The following PTPN21 variants were observed in gnomAD, a reference collection of about 807,000 sequenced individuals.
PTPN21 encodes protein tyrosine phosphatase non-receptor type 21, also known as tyrosine-protein phosphatase non-receptor type 21.
A neutral mutation model predicts 131.8 loss-of-function variants in PTPN21; 77 were observed. That is an observed-to-expected ratio of 0.58 (90% CI 0.49 to 0.71). PTPN21 has a LOEUF of 0.71. Ranked by LOEUF, PTPN21 falls within the 30% of genes least tolerant of loss-of-function variation. The probability of loss-of-function intolerance (pLI) is 0.00; values close to 1 mark genes in which losing one functional copy is unlikely to be tolerated. For missense variants in PTPN21, 1,552 were observed against 1,527.1 expected (o/e 1.02, Z -0.27); for synonymous variants, 715 against 621.3 (o/e 1.15, Z -2.24).
At position 88,470,327 on chromosome 14, in the gene PTPN21, C is replaced by G. The variant is rs2077441158; in HGVS notation, c.2872-277G>C. 5 of 416,682 alleles carry G rather than the reference C, an allele frequency of 1.2e-5. No individual in the cohort carries two copies. In the South Asian group the frequency reaches 1.4e-4, roughly 11 times the overall value. The allele number at this position is 416,682 out of a possible 1,614,324, so 25.8% of individuals were successfully genotyped here. A position where few individuals can be genotyped will look rare whatever the true frequency, so the allele number is the denominator to read the frequency against. On this transcript the variant is annotated intron_variant, in intron 15 of 18. Transcript: ENST00000556564. ...TGCTGAATGTCAGTTCTCATTTATACAATAAAGATACTGCCTACCGTCATA... is the reference window on the plus strand; with the variant it reads ...TGCTGAATGTCAGTTCTCATTTATAGAATAAAGATACTGCCTACCGTCATA...
In PTPN21 at chr14:88,469,643, G is replaced by A. The variant is rs750979201; in HGVS notation, c.3091C>T (p.Arg1031Trp). 40 of 1,614,124 alleles carry A rather than the reference G, an allele frequency of 2.5e-5. No individual in the cohort carries two copies. Among genetic ancestry groups the A allele is most frequent in the South Asian group, 2.3e-4 (21 of 91,070 alleles). Residue 1031 changes from arginine (R) to tryptophan (W), a missense_variant, in exon 17 of 19, where the codon CGG becomes TGG. Physicochemically the swap from Arg to Trp is moderately radical, Grantham distance 101. Transcript: ENST00000556564. This position sits in a 1 kb window ranked among gnomAD's most constrained non-coding sequence, Gnocchi z 4.3. ...VTYGRFKITT[R>W]FRTDSGCYAT... ...TAGCAGCCAGAGTCTGTGCGGAACCGGGTCGTGATCTTAAACCTTCCATAG... is the reference window on the plus strand; with the variant it reads ...TAGCAGCCAGAGTCTGTGCGGAACCAGGTCGTGATCTTAAACCTTCCATAG...
intron 2 of PTPN21, among the ~76,000 whole-genome samples, chr14:88,517,764 T>A (rs1172671282): frequency 1.4e-5 from 2 of 140,496 alleles, no homozygotes; most frequent in African/African-American, 2.6e-5. Context: ...CTAGTGTATA[T>A]ACACTATATA....
rs552808945 is a variant in PTPN21, at chr14:88,514,779, C to T, written c.350+2313G>A. Among the ~76,000 whole-genome samples, 7 of 152,146 alleles carry T rather than the reference C, an allele frequency of 4.6e-5. 1 individual carries two copies. The highest frequency in any genetic ancestry group is 1.7e-4 in the African/African-American group (7 of 41,518). Reference sequence around the variant, plus strand: ...ACGCCTGGCCCTCCCCCTTTGTTTTCTTCCAATATCTTTGAGTGGGTTTTT... The same window carrying T: ...ACGCCTGGCCCTCCCCCTTTGTTTTTTTCCAATATCTTTGAGTGGGTTTTT... On this transcript the variant is annotated intron_variant, in intron 3 of 18. Transcript: ENST00000556564.
At chr14:88,473,892 C>A in intron 13 of PTPN21, 90 bp from the exon 14 acceptor site, 1 of 1,170,212 alleles carries the variant, frequency 8.5e-7, no homozygotes, top group Non-Finnish European at 1.2e-6. Flanking sequence ...CAGGAACACA[C>A]AGAGGGAGTG....
chr14:88,531,916 G>A (rs2078559910), intron 2 of PTPN21, among the ~76,000 whole-genome samples: 1 of 152,084 alleles, frequency 6.6e-6, no homozygotes, highest in South Asian at 2.1e-4. Flanking sequence ...AATGAACTGG[G>A]AGATATTACA....
chr14:88,473,738 C>T lies in PTPN21; in HGVS notation c.2576G>A (p.Gly859Glu), dbSNP rs200522187. 356 of 1,611,042 alleles carry T rather than the reference C, an allele frequency of 2.2e-4. No individual in the cohort carries two copies. Among genetic ancestry groups the T allele is most frequent in the Middle Eastern group, 1.2e-3 (7 of 6,056 alleles). The change falls in exon 14 of 19, where the codon GGA becomes GAA. Residue 859 changes from glycine (G) to glutamate (E), a missense_variant. Gly to Glu is a moderately conservative substitution (Grantham distance 98). Coordinates refer to ENST00000556564, the MANE Select transcript of PTPN21 (RefSeq NM_007039.4). ...CAGAGGCACTCGAGATAGGGAGAGT[C>T]CATTTAGGGCAGCCAGTTTAAGAGG... ...IGPLKLAALN[G>E]LSLSRVPLPD...
Position 88,472,441 on chromosome 14 carries a change from C to CT in PTPN21, c.2673dup (p.Glu892ArgfsTer10). 6.2e-7 allele frequency: 1 copy of CT among 1,613,248 alleles called. No homozygotes were observed. The highest frequency in any genetic ancestry group is 8.5e-7 in the Non-Finnish European group (1 of 1,179,304). ...TATTCTGTGAATACCATTCCTTGTTCTAATCGTTGTTCCAGAATTTTACAC... is the reference window on the plus strand; with the variant it reads ...TATTCTGTGAATACCATTCCTTGTTCTTAATCGTTGTTCCAGAATTTTACAC... On this transcript the variant is annotated frameshift_variant, in exon 15 of 19. Coordinates refer to ENST00000556564, the MANE Select transcript of PTPN21 (RefSeq NM_007039.4). LOFTEE classifies it high-confidence loss of function.
In PTPN21 at chr14:88,468,013, C is replaced by T; in HGVS notation, c.*124G>A. 8.0e-7 allele frequency: 1 copy of T among 1,247,050 alleles called. No individual in the cohort carries two copies. The highest frequency in any genetic ancestry group is 1.2e-6 in the Non-Finnish European group (1 of 868,638). The allele number at this position is 1,247,050 out of a possible 1,614,324, so 77.2% of individuals were successfully genotyped here. ...CAGCGTGCCGCCATTCAGACTGCGC[C>T]ACTTACGTCCCAGTGCCACGCTGCG... On this transcript the variant is annotated 3_prime_UTR_variant, in exon 19 of 19. Coordinates refer to ENST00000556564, the MANE Select transcript of PTPN21 (RefSeq NM_007039.4).
In PTPN21 at chr14:88,480,117, G is replaced by A. The variant is rs771082061; in HGVS notation, c.1314C>T (p.Ser438=). ...RPDYLPSHRH[S]AVIPPSYRPT... ...GGCGGTAGGACGGGGGTATCACGGCGCTGTGCCGATGGGACGGGAGGTAGT... is the reference window on the plus strand; with the variant it reads ...GGCGGTAGGACGGGGGTATCACGGCACTGTGCCGATGGGACGGGAGGTAGT... Residue 438 remains serine (S), a synonymous_variant, in exon 13 of 19, where the codon AGC becomes AGT. Coordinates refer to ENST00000556564, the MANE Select transcript of PTPN21 (RefSeq NM_007039.4). 2.0e-5 allele frequency: 33 copies of A among 1,614,040 alleles called. No individual in the cohort carries two copies. The highest frequency in any genetic ancestry group is 4.0e-5 in the African/African-American group (3 of 74,936).
At chr14:88,532,920 A>G (rs79345263) in intron 2 of PTPN21, among the ~76,000 whole-genome samples, 1,892 of 152,330 alleles carry the variant, frequency 0.012, 24 homozygotes, top group Non-Finnish European at 0.021. Flanking sequence ...TGTTCCTAAA[A>G]GCAGAGGTAG....
intron 15 of PTPN21, among the ~76,000 whole-genome samples, chr14:88,471,314 T>C (rs1257307224): frequency 6.6e-6 from 1 of 152,204 alleles, no homozygotes; most frequent in Non-Finnish European, 1.5e-5. Flanking sequence ...AAGAATTGAA[T>C]GTGGCCAGCA....
chr14:88,499,966 A>G (rs926096974), intron 8 of PTPN21, among the ~76,000 whole-genome samples: 1 of 152,224 alleles, frequency 6.6e-6, no homozygotes, highest in African/African-American at 2.4e-5. Context: ...ACATCGCTAT[A>G]TATTCTTTCC....
rs141630683 is a variant in PTPN21, at chr14:88,468,005, G to C, written c.*132C>G. On this transcript the variant is annotated 3_prime_UTR_variant, in exon 19 of 19. Coordinates refer to ENST00000556564, the MANE Select transcript of PTPN21 (RefSeq NM_007039.4). ...GTTTCCTTCAGCGTGCCGCCATTCA[G>C]ACTGCGCCACTTACGTCCCAGTGCC... 2.0e-4 allele frequency: 238 copies of C among 1,169,772 alleles called. No homozygotes were observed. Among genetic ancestry groups the C allele is most frequent in the Non-Finnish European group, 2.8e-4 (227 of 800,350 alleles). The allele number at this position is 1,169,772 out of a possible 1,614,324, so 72.5% of individuals were successfully genotyped here.
intron 13 of PTPN21, among the ~76,000 whole-genome samples, chr14:88,474,961 A>G (rs112620331): frequency 0.037 from 5,591 of 152,176 alleles, 350 homozygotes; most frequent in African/African-American, 0.13. Flanking sequence ...GCGTGGTGGC[A>G]CATGCCTGTA....
At chr14:88,476,017 A>G (rs539471310) in intron 13 of PTPN21, among the ~76,000 whole-genome samples, 1 of 152,366 alleles carries the variant, frequency 6.6e-6, no homozygotes, top group African/African-American at 2.4e-5. Context: ...ACTAAAGGGT[A>G]CAACAAAAAG....
intron 3 of PTPN21, among the ~76,000 whole-genome samples, chr14:88,516,343 G>A (rs1312553644): frequency 6.6e-6 from 1 of 151,142 alleles, no homozygotes; most frequent in Admixed American, 6.6e-5. Flanking sequence ...ATGAAAGGGC[G>A]TGCAGCATGT....
At chr14:88,490,329 G>A (rs1352144479) in intron 10 of PTPN21, among the ~76,000 whole-genome samples, 2 of 151,916 alleles carry the variant, frequency 1.3e-5, no homozygotes, top group Non-Finnish European at 2.9e-5. Flanking sequence ...GTTTTCCAGG[G>A]TGACACTGAC....
chr14:88,549,831 C>T (rs961551670), intron 2 of PTPN21, among the ~76,000 whole-genome samples: 2 of 150,882 alleles, frequency 1.3e-5, no homozygotes, highest in Non-Finnish European at 2.9e-5. Context: ...GGAGCGATCT[C>T]GGCTCACTGC....
Position 88,479,884 on chromosome 14 carries a change from T to C in PTPN21, c.1547A>G (p.Tyr516Cys), listed in dbSNP as rs762055114. 4.2e-5 allele frequency: 67 copies of C among 1,587,088 alleles called. No homozygotes were observed. Among genetic ancestry groups the C allele is most frequent in the Non-Finnish European group, 5.4e-5 (63 of 1,170,774 alleles). Residue 516 changes from tyrosine to cysteine, a missense_variant, in exon 13 of 19, where the codon TAC becomes TGC. Tyr to Cys is a radical substitution (Grantham distance 194). Coordinates refer to ENST00000556564, the MANE Select transcript of PTPN21 (RefSeq NM_007039.4). The stretch of plus-strand genomic sequence containing the variant: ...GTAGGGAGACGGGCTGTGGAAGCTG[T>C]AGCTCAGGCTGAACGGGCAGTGTGC... ...AAAHCPFSLS[Y>C]SFHSPSPYPY...
Sources: gnomAD v4.1 joint callset for allele counts (sites outside exome capture counted in the v4.1 genomes callset) on GRCh38, gnomAD v4.1.1 for gene constraint, Gnocchi (gnomAD v3.1) non-coding constraint, MANE v1.5 for transcripts, NCBI Gene and HGNC (gene_info 2026-07-23, HGNC 2026-07-21) for gene names.